GLCCI1: variants seen among roughly 807,000 people sequenced by gnomAD.
GLCCI1 encodes glucocorticoid-induced transcript 1 protein.
In GLCCI1, 24 loss-of-function variants were observed where a neutral mutation model predicts 52.2. The observed-to-expected ratio is 0.46, with a 90% CI of 0.33 to 0.65. The LOEUF is 0.65. GLCCI1 is among the 30% of genes least tolerant of loss of function. The pLI is 0.02. For synonymous variants in GLCCI1, 310 were observed against 276.5 expected (o/e 1.12, Z -1.20); for missense variants, 704 against 701.5 (o/e 1.00, Z -0.04).
chr7:8,028,119 A>G (rs1266847862), intron 3 of GLCCI1, among the ~76,000 whole-genome samples: 1 of 152,214 alleles, frequency 6.6e-6, no homozygotes, highest in African/African-American at 2.4e-5. Flanking sequence ...GACCTAATAG[A>G]TATTTACAGA....
intron 1 of GLCCI1, chr7:7,980,673 A>G: frequency 1.3e-6 from 1 of 789,986 alleles, no homozygotes; most frequent in Non-Finnish European, 2.2e-6. Context: ...AGAAGGGCAC[A>G]ATGTCCATGG....
Position 8,022,562 on chromosome 7 carries a change from T to G in GLCCI1, c.689T>G (p.Leu230Arg). 6.4e-7 allele frequency: 1 copy of G among 1,561,646 alleles called. No individual in the cohort carries two copies. Among genetic ancestry groups the G allele is most frequent in the South Asian group, 1.2e-5 (1 of 82,786 alleles). Residue 230 changes from leucine (L) to arginine (R), a missense_variant, in exon 3 of 8, where the codon CTA becomes CGA. Around this residue, in one of 3 missense-constraint regions of GLCCI1, gnomAD observed 547 missense variants for 524.8 expected, o/e 1.04. Transcript: ENST00000223145. ...RSASWGSADQ[L>R]KEQIAKLRQQ... The stretch of plus-strand genomic sequence containing the variant: ...GCGTCATGGGGGAGTGCTGATCAAC[T>G]AAAAGAGGTAAGTTATTTCTGTTTT...
intron 3 of GLCCI1, among the ~76,000 whole-genome samples, chr7:8,049,456 T>C (rs940718483): frequency 6.6e-6 from 1 of 152,080 alleles, no homozygotes; most frequent in Non-Finnish European, 1.5e-5. Context: ...AAAATACATA[T>C]ATTATTTATC....
In GLCCI1 at chr7:8,026,528, A is replaced by G. The variant is rs1781624576; in HGVS notation, c.696+3959A>G. 2.0e-5 allele frequency among the ~76,000 whole-genome samples: 3 copies of G among 152,384 alleles called. 1 individual carries two copies. The South Asian group carries it at 6.2e-4, about 32-fold the overall frequency. On this transcript the variant is annotated intron_variant, in intron 3 of 7. Transcript: ENST00000223145. ...CATAGCACCAAAAGAGGCATTGAGT[A>G]GGCCAGGAGAGAGAGTCTTGAATTG...
chr7:7,993,756 T>C (rs1309068232), intron 1 of GLCCI1, among the ~76,000 whole-genome samples: 1 of 150,922 alleles, frequency 6.6e-6, no homozygotes, highest in Non-Finnish European at 1.5e-5. Context: ...TAGATGCCAA[T>C]ACTCCTTGAC....
chr7:7,984,755 C>A (rs1033168163), intron 1 of GLCCI1, among the ~76,000 whole-genome samples: 2 of 152,152 alleles, frequency 1.3e-5, no homozygotes, highest in Non-Finnish European at 2.9e-5. Flanking sequence ...AAATTAATAT[C>A]CTAAGAAACT....
intron 6 of GLCCI1, among the ~76,000 whole-genome samples, chr7:8,081,871 A>T (rs540330251): frequency 1.3e-5 from 2 of 152,322 alleles, no homozygotes; most frequent in African/African-American, 4.8e-5. Flanking sequence ...TAAATATATA[A>T]AAATGAGACT....
chr7:8,009,373 A>C (rs1445711008), intron 2 of GLCCI1, among the ~76,000 whole-genome samples: 1 of 152,220 alleles, frequency 6.6e-6, no homozygotes, highest in Non-Finnish European at 1.5e-5. Context: ...TAAATGCGAA[A>C]GTAATATATA....
At chr7:7,998,487 A>T (rs1780989093) in intron 1 of GLCCI1, among the ~76,000 whole-genome samples, 2 of 152,196 alleles carry the variant, frequency 1.3e-5, no homozygotes, top group East Asian at 3.8e-4. Flanking sequence ...GAGTGCTGGG[A>T]TTACAGGTGT....
chr7:8,054,966 A>G (rs995208366), intron 3 of GLCCI1, among the ~76,000 whole-genome samples: 1 of 152,054 alleles, frequency 6.6e-6, no homozygotes, highest in South Asian at 2.1e-4. Context: ...ATTCTCCACA[A>G]CACCATGGGA....
intron 1 of GLCCI1, among the ~76,000 whole-genome samples, chr7:7,989,253 A>G (rs1285688572): frequency 2.0e-5 from 3 of 151,666 alleles, no homozygotes; most frequent in African/African-American, 4.8e-5. Context: ...AGCTGATGCT[A>G]TTGGAGCCAC....
At chr7:8,004,892 CTG>C (rs1562424288) in intron 2 of GLCCI1, among the ~76,000 whole-genome samples, 2 of 152,162 alleles carry the variant, frequency 1.3e-5, no homozygotes, top group African/African-American at 4.8e-5. Context: ...TGTCCGAAGA[CTG>C]AGGAAAAGAG....
intron 5 of GLCCI1, among the ~76,000 whole-genome samples, chr7:8,067,159 G>A (rs1024642911): frequency 1.3e-5 from 2 of 152,094 alleles, no homozygotes; most frequent in African/African-American, 2.4e-5. Context: ...TTTGATATTT[G>A]TTGGTATAAA....
rs761846991 is a variant in GLCCI1, at chr7:7,969,386, C to A, written c.36C>A (p.Ser12=). ...CCTCCTCCTCCTCCTCCTCCAGTTC[C>A]TCTCAGACCCCTCATCCCCCGTCGC... is the stretch of plus-strand genomic sequence containing the variant. ...STASSSSSSS[S]SQTPHPPSQR... is the part of the protein sequence containing the mutation. The change falls in exon 1 of 8, where the codon TCC becomes TCA. Residue 12 remains serine (S), a synonymous_variant. Transcript: ENST00000223145. The surrounding 1 kb of genome is among the most constrained non-coding windows in gnomAD (Gnocchi z 4.9). The A allele has an allele frequency of 7.5e-6, 11 of 1,467,486 alleles. No homozygotes were observed. The African/African-American group carries it at 1.6e-4, about 21-fold the overall frequency. The allele number at this position is 1,467,486 out of a possible 1,614,324, so 90.9% of individuals were successfully genotyped here. A position where few individuals can be genotyped will look rare whatever the true frequency, so the allele number is the denominator to read the frequency against.
At chr7:7,980,619 A>C (rs997166908) in intron 1 of GLCCI1, 2 of 786,320 alleles carry the variant, frequency 2.5e-6, no homozygotes, top group African/African-American at 1.7e-5. Flanking sequence ...GTGATCAAGC[A>C]AGCTTTTTTG....
chr7:7,992,592 C>T (rs1318002477), intron 1 of GLCCI1, among the ~76,000 whole-genome samples: 3 of 151,984 alleles, frequency 2.0e-5, no homozygotes, highest in African/African-American at 7.2e-5. Context: ...TATGTCCTTT[C>T]CGTATGTCCT....
Position 8,076,285 on chromosome 7 carries a change from A to C in GLCCI1, c.1177+5154A>C, listed in dbSNP as rs77783760. 1.6e-4 allele frequency among the ~76,000 whole-genome samples: 24 copies of C among 152,276 alleles called. No homozygotes were observed. The East Asian group carries it at 2.5e-3, about 16-fold the overall frequency. On this transcript the variant is annotated intron_variant, in intron 6 of 7. Coordinates refer to ENST00000223145, the MANE Select transcript of GLCCI1 (RefSeq NM_138426.4). ...ACACCTTGAAAAATCACTGCTTTTG[A>C]ATCTGGATGCGTTTATCAAAATATT...
chr7:8,069,256 T>C (rs572457529), intron 5 of GLCCI1, among the ~76,000 whole-genome samples: 2 of 152,176 alleles, frequency 1.3e-5, no homozygotes, highest in African/African-American at 4.8e-5. Context: ...GTCGGTGTGA[T>C]TGGCTTTGAG....
chr7:7,996,533 C>G (rs1013348439), intron 1 of GLCCI1, among the ~76,000 whole-genome samples: 1 of 152,170 alleles, frequency 6.6e-6, no homozygotes, highest in Non-Finnish European at 1.5e-5. Flanking sequence ...AACCTTGATG[C>G]AAAGATACTC....
Sources: allele counts gnomAD v4.1 joint callset (sites outside exome capture counted in the v4.1 genomes callset), GRCh38; gene constraint gnomAD v4.1.1; regional missense constraint gnomAD v4.1.1; non-coding constraint Gnocchi (gnomAD v3.1); transcripts MANE v1.5; gene names NCBI Gene and HGNC (gene_info 2026-07-23, HGNC 2026-07-21).